Variants in ANKRD18B observed in about 807,000 individuals in gnomAD.
The protein encoded by ANKRD18B is ankyrin repeat domain-containing protein 18B.
Under a neutral mutation model 111.8 loss-of-function variants are expected in ANKRD18B, and 75 were observed. That is an observed-to-expected ratio of 0.67 (90% CI 0.56 to 0.81). The LOEUF is 0.81. Ranked by LOEUF, ANKRD18B falls within the 40% of genes least tolerant of loss-of-function variation. The pLI, the probability that ANKRD18B is intolerant of heterozygous loss-of-function variation, is 0.00. For missense variants in ANKRD18B, 1,038 were observed against 1,225.5 expected (o/e 0.85, Z 2.28); for synonymous variants, 356 against 417.3 (o/e 0.85, Z 1.79).
Position 33,568,904 on chromosome 9 carries a change from T to C in ANKRD18B, c.3177+11T>C, listed in dbSNP as rs1264289203. 3.9e-6 allele frequency: 6 copies of C among 1,522,092 alleles called. No individual in the cohort carries two copies. Among genetic ancestry groups the C allele is most frequent in the Non-Finnish European group, 5.3e-6 (6 of 1,134,640 alleles). The allele number at this position is 1,522,092 out of a possible 1,614,324, so 94.3% of individuals were successfully genotyped here. A position where few individuals can be genotyped will look rare whatever the true frequency, so the allele number is the denominator to read the frequency against. On this transcript the variant is annotated intron_variant, in intron 17 of 18. Transcript: ENST00000684830. ...AACTCCTTGACTGAGGTTAGTTATA[T>C]GACCATTTCTCTTTTGGGTTTCATT...
intron 11 of ANKRD18B, among the ~76,000 whole-genome samples, chr9:33,550,104 A>G (rs1233844094): frequency 1.3e-5 from 2 of 152,144 alleles, no homozygotes. Flanking sequence ...TTGGAATTTT[A>G]CTTTTATTCT....
chr9:33,552,141 T>C (rs912718649), intron 12 of ANKRD18B, among the ~76,000 whole-genome samples: 7 of 152,266 alleles, frequency 4.6e-5, no homozygotes, highest in Admixed American at 2.0e-4. Flanking sequence ...TATTTCTTCT[T>C]TGAGACATTA....
intron 13 of ANKRD18B, among the ~76,000 whole-genome samples, chr9:33,556,524 A>G (rs1828529652): frequency 1.3e-5 from 2 of 152,340 alleles, no homozygotes; most frequent in Admixed American, 1.3e-4. Context: ...AGCCTCCCAA[A>G]GTTGGCATGA....
chr9:33,574,893 C>T (rs1439528440), downstream of ANKRD18B, among the ~76,000 whole-genome samples: 1 of 152,164 alleles, frequency 6.6e-6, no homozygotes, highest in Non-Finnish European at 1.5e-5. Flanking sequence ...CTTGCTGAGT[C>T]CCCATCGCCT....
intron 3 of ANKRD18B, among the ~76,000 whole-genome samples, chr9:33,530,472 C>G (rs1828095641): frequency 6.7e-6 from 1 of 149,190 alleles, no homozygotes; most frequent in African/African-American, 2.5e-5. Flanking sequence ...CACGGTGAAA[C>G]CCCGTCTCTA....
chr9:33,525,451 G>A (rs1397877689), intron 1 of ANKRD18B, among the ~76,000 whole-genome samples: 1 of 152,254 alleles, frequency 6.6e-6, no homozygotes, highest in African/African-American at 2.4e-5. Context: ...GAAAGGACGA[G>A]TTATTAATAA....
intron 1 of ANKRD18B, among the ~76,000 whole-genome samples, chr9:33,526,408 G>A (rs1828026490): frequency 6.6e-6 from 1 of 152,148 alleles, no homozygotes; most frequent in African/African-American, 2.4e-5. Flanking sequence ...AAATCAGTTT[G>A]CTTGCACATA....
At chr9:33,556,283 A>C (rs1007713823) in intron 13 of ANKRD18B, among the ~76,000 whole-genome samples, 19 of 152,090 alleles carry the variant, frequency 1.2e-4, no homozygotes, top group African/African-American at 4.6e-4. Context: ...TTATCTTTTG[A>C]GACAGAGTCT....
At chr9:33,545,607 C>T (rs898764759) in intron 10 of ANKRD18B, among the ~76,000 whole-genome samples, 1 of 152,138 alleles carries the variant, frequency 6.6e-6, no homozygotes, top group Non-Finnish European at 1.5e-5. Flanking sequence ...AGTCCCACTG[C>T]TAATATCTAT....
chr9:33,533,754 A>G (rs1232010487), intron 4 of ANKRD18B: 2 of 1,016,758 alleles, frequency 2.0e-6, no homozygotes, highest in Non-Finnish European at 2.6e-6. Flanking sequence ...ATCTTCTCTT[A>G]TAGACTGTTA....
chr9:33,537,842 T>C (rs953215964), intron 6 of ANKRD18B, among the ~76,000 whole-genome samples: 1 of 152,178 alleles, frequency 6.6e-6, no homozygotes, highest in Non-Finnish European at 1.5e-5. Context: ...ACTATGCTTT[T>C]AGAATAAAGT....
downstream of ANKRD18B, among the ~76,000 whole-genome samples, chr9:33,573,516 A>T (rs975815721): frequency 6.9e-6 from 1 of 144,942 alleles, no homozygotes; most frequent in African/African-American, 2.4e-5. Context: ...GGAAGATGGC[A>T]TGTCCAGGCA....
Position 33,566,291 on chromosome 9 carries a change from C to T in ANKRD18B, c.2533C>T (p.Leu845Phe). Residue 845 changes from leucine (L) to phenylalanine (F), a missense_variant, in exon 15 of 19, where the codon CTT becomes TTT. By Grantham distance (22) the Leu-to-Phe change is conservative. Around this residue, in one of 4 missense-constraint regions of ANKRD18B, gnomAD observed 524 missense variants for 677.9 expected, o/e 0.77. Transcript: ENST00000684830. The stretch of plus-strand genomic sequence containing the variant: ...CAATTTGGCCAAAGACAATGAAGTT[C>T]TTCATCAGGAGTTATTATCTATGGG... ...CVNLAKDNEVLHQELLSMGKV... is the reference protein window; with the variant it reads ...CVNLAKDNEVFHQELLSMGKV... 6.4e-7 allele frequency: 1 copy of T among 1,560,874 alleles called. No homozygotes were observed. Among genetic ancestry groups the T allele is most frequent in the Non-Finnish European group, 8.7e-7 (1 of 1,150,318 alleles).
intron 4 of ANKRD18B, 25 bp from the exon 5 acceptor site, chr9:33,534,345 T>G: frequency 1.3e-6 from 2 of 1,516,258 alleles, no homozygotes; most frequent in Non-Finnish European, 1.8e-6. Context: ...AGTTCTTGAG[T>G]GCTGTTATTT....
intron 10 of ANKRD18B, among the ~76,000 whole-genome samples, chr9:33,546,094 G>A (rs1188912449): frequency 6.6e-6 from 1 of 152,076 alleles, no homozygotes; most frequent in African/African-American, 2.4e-5. Context: ...AAGAAATACT[G>A]TCTAGATTCT....
chr9:33,564,933 T>C (rs1310800389), intron 14 of ANKRD18B, among the ~76,000 whole-genome samples: 1 of 152,200 alleles, frequency 6.6e-6, no homozygotes, highest in Non-Finnish European at 1.5e-5. Flanking sequence ...GGTGTTTGAG[T>C]TCCTTGTGTA....
rs748502778 is a variant in ANKRD18B, at chr9:33,528,761, G to A, written c.241G>A (p.Val81Met). The A allele has an allele frequency of 6.2e-7, 1 of 1,613,296 alleles. No individual in the cohort carries two copies. The highest frequency in any genetic ancestry group is 8.5e-7 in the Non-Finnish European group (1 of 1,179,670). Residue 81 changes from valine to methionine, a missense_variant, in exon 2 of 19, where the codon GTG becomes ATG. By Grantham distance (21) the Val-to-Met change is conservative. Around this residue, in one of 4 missense-constraint regions of ANKRD18B, gnomAD observed 216 missense variants for 205.1 expected, o/e 1.05. Coordinates refer to ENST00000684830, the MANE Select transcript of ANKRD18B (RefSeq NM_001393611.1). ...ACATTTGGCCTGTGCCCATGGCCGT[G>A]TGCAAGTGGTCACTCTCTTGCTGGA... Reference protein sequence around the residue: ...VLHLACAHGRVQVVTLLLDRK... With the variant: ...VLHLACAHGRMQVVTLLLDRK...
At chr9:33,540,385 G>A (rs1828261837) in intron 8 of ANKRD18B, among the ~76,000 whole-genome samples, 173 bp downstream of exon 8, 1 of 152,134 alleles carries the variant, frequency 6.6e-6, no homozygotes, top group Non-Finnish European at 1.5e-5. Flanking sequence ...CACACCACAT[G>A]CTCATTCCTA....
intron 10 of ANKRD18B, 123 bp from the exon 11 acceptor site, chr9:33,547,815 C>A: frequency 1.5e-6 from 1 of 652,990 alleles, no homozygotes; most frequent in Non-Finnish European, 2.3e-6. Flanking sequence ...TTTTTTTCTC[C>A]AGTTGGTTAT....
Sources: gnomAD v4.1 joint callset for allele counts (sites outside exome capture counted in the v4.1 genomes callset) on GRCh38, gnomAD v4.1.1 for gene constraint, gnomAD v4.1.1 regional missense constraint, MANE v1.5 for transcripts, NCBI Gene and HGNC (gene_info 2026-07-23, HGNC 2026-07-21) for gene names.